NAALADL2: variants seen among roughly 807,000 people sequenced by gnomAD.
NAALADL2 encodes inactive N-acetylated-alpha-linked acidic dipeptidase-like protein 2.
In NAALADL2, 76 loss-of-function variants were observed where a neutral mutation model predicts 87.2. That is an observed-to-expected ratio of 0.87 (90% CI 0.72 to 1.05). The LOEUF (loss-of-function observed/expected upper bound fraction) is 1.05. NAALADL2 is among the 50% of genes least tolerant of loss of function. The pLI is 0.00. For missense variants in NAALADL2, 1,089 were observed against 945.8 expected, an observed-to-expected ratio of 1.15 and a Z score of -1.99; for synonymous variants, 354 against 331.0, an observed-to-expected ratio of 1.07 and a Z score of -0.75.
chr3:175,748,710 A>G (rs1746242320), intron 12 of NAALADL2, among the ~76,000 whole-genome samples: 1 of 152,200 alleles, frequency 6.6e-6, no homozygotes, highest in Non-Finnish European at 1.5e-5. Context: ...TACAGCCACA[A>G]AAAACACAGA....
intron 3 of NAALADL2, among the ~76,000 whole-genome samples, chr3:174,751,753 C>G (rs1220397267): frequency 6.6e-6 from 1 of 151,038 alleles, no homozygotes; most frequent in Non-Finnish European, 1.5e-5. Flanking sequence ...TGATGCATAT[C>G]TAATAACTTT....
intron 1 of NAALADL2, among the ~76,000 whole-genome samples, chr3:175,057,735 G>T (rs1011438975): frequency 6.6e-6 from 1 of 152,186 alleles, no homozygotes; most frequent in African/African-American, 2.4e-5. Context: ...ATACTCATAT[G>T]AGAAAAGGAA....
At chr3:175,014,934 G>C (rs2108833023) in intron 1 of NAALADL2, among the ~76,000 whole-genome samples, 1 of 151,824 alleles carries the variant, frequency 6.6e-6, no homozygotes, top group South Asian at 2.1e-4. Context: ...TTTCACATAT[G>C]GCTTAGGAAT....
At chr3:175,086,241 CAT>C (rs1263225929) in intron 1 of NAALADL2, among the ~76,000 whole-genome samples, 5 of 152,052 alleles carry the variant, frequency 3.3e-5, no homozygotes, top group Non-Finnish European at 5.9e-5. Flanking sequence ...ATTCTCAACA[CAT>C]AGGAAAGAAT....
intron 3 of NAALADL2, among the ~76,000 whole-genome samples, chr3:174,770,269 G>C (rs942391864): frequency 6.6e-6 from 1 of 152,164 alleles, no homozygotes; most frequent in Non-Finnish European, 1.5e-5. Flanking sequence ...TGTCAATTTA[G>C]AATAGGATCT....
intron 3 of NAALADL2, among the ~76,000 whole-genome samples, chr3:174,811,251 C>CTGTAAGA (rs1470560484): frequency 2.0e-5 from 3 of 152,168 alleles, no homozygotes; most frequent in African/African-American, 7.2e-5. Flanking sequence ...CTCTGTCCTC[C>CTGTAAGA]AGACCCCAGA....
At chr3:175,783,222 GT>G (rs1469804291) in intron 13 of NAALADL2, among the ~76,000 whole-genome samples, 1 of 152,138 alleles carries the variant, frequency 6.6e-6, no homozygotes, top group African/African-American at 2.4e-5. Context: ...CTTTAAAGTA[GT>G]TTTTTCCAAT....
At chr3:175,776,435 T>C (rs1012204857) in intron 13 of NAALADL2, 2 of 152,140 alleles carry the variant, frequency 1.3e-5, no homozygotes, top group African/African-American at 4.8e-5. Context: ...ACAGAGTCTT[T>C]TTTTCCCCCC....
At chr3:175,354,928 A>T (rs2080786) in intron 5 of NAALADL2, among the ~76,000 whole-genome samples, 96,368 of 148,980 alleles carry the variant, frequency 0.65, 31,352 homozygotes, top group African/African-American at 0.69. Context: ...ATATGTGTGT[A>T]TATGTGTATA....
intron 3 of NAALADL2, among the ~76,000 whole-genome samples, chr3:174,829,563 C>T (rs1275307146): frequency 7.2e-6 from 1 of 139,170 alleles, no homozygotes; most frequent in East Asian, 2.0e-4. Context: ...GTGAATAATG[C>T]CGCAATAAAC....
At chr3:175,448,985 G>A (rs925490545) in intron 6 of NAALADL2, among the ~76,000 whole-genome samples, 3 of 152,148 alleles carry the variant, frequency 2.0e-5, no homozygotes, top group Non-Finnish European at 4.4e-5. Flanking sequence ...CAAAGTGCTA[G>A]GATTATAAGT....
At chr3:175,414,305 T>G (rs769739433) in intron 5 of NAALADL2, among the ~76,000 whole-genome samples, 1 of 152,178 alleles carries the variant, frequency 6.6e-6, no homozygotes, top group Admixed American at 6.5e-5. Context: ...TTTATGAATA[T>G]TAGATGCTCA....
At chr3:175,714,428 T>A (rs1740959122) in intron 11 of NAALADL2, among the ~76,000 whole-genome samples, 1 of 152,190 alleles carries the variant, frequency 6.6e-6, no homozygotes, top group Non-Finnish European at 1.5e-5. Flanking sequence ...CCATTCCAAC[T>A]GGCAGGAGAT....
chr3:174,805,825 C>A (rs188708004), intron 3 of NAALADL2, among the ~76,000 whole-genome samples: 11 of 152,224 alleles, frequency 7.2e-5, no homozygotes, highest in Admixed American at 7.2e-4. Context: ...AAGAAAAATT[C>A]TGCTTCATTT....
At chr3:174,986,989 C>A (rs1745964057) in intron 1 of NAALADL2, among the ~76,000 whole-genome samples, 1 of 152,020 alleles carries the variant, frequency 6.6e-6, no homozygotes, top group Non-Finnish European at 1.5e-5. Flanking sequence ...TCTTTCAGAC[C>A]AAACACTTGA....
intron 1 of NAALADL2, among the ~76,000 whole-genome samples, chr3:174,878,000 A>C (rs1728716249): frequency 6.6e-6 from 1 of 152,062 alleles, no homozygotes; most frequent in African/African-American, 2.4e-5. Context: ...AGTGTACTTA[A>C]ATATTAGCTT....
chr3:174,926,578 A>G (rs1351270292), intron 1 of NAALADL2, among the ~76,000 whole-genome samples: 1 of 152,214 alleles, frequency 6.6e-6, no homozygotes, highest in African/African-American at 2.4e-5. Flanking sequence ...AGAATTTTCA[A>G]CCCAGAATTT....
chr3:174,610,757 C>T lies in NAALADL2; in HGVS notation c.-115+60120C>T, dbSNP rs555201642. On this transcript the variant is annotated intron_variant, in intron 2 of 3. Transcript: ENST00000434257. ...TTCAACCATTGTGCAATCAGTGTGG[C>T]GATTTCTCAGGGATGTAGAACTAGA... 2.9e-3 allele frequency among the ~76,000 whole-genome samples: 435 copies of T among 152,178 alleles called. 3 individuals carry two copies. Among genetic ancestry groups the T allele is most frequent in the African/African-American group, 0.01 (418 of 41,494 alleles).
chr3:174,850,869 G>T (rs1240456523), intron 3 of NAALADL2, among the ~76,000 whole-genome samples: 3 of 151,904 alleles, frequency 2.0e-5, no homozygotes, highest in Admixed American at 6.6e-5. Context: ...GTCCACTAAA[G>T]ATGTCTTAAT....
Sources: gnomAD v4.1 joint callset for allele counts (sites outside exome capture counted in the v4.1 genomes callset) on GRCh38, gnomAD v4.1.1 for gene constraint, MANE v1.5 for transcripts, NCBI Gene and HGNC (gene_info 2026-07-23, HGNC 2026-07-21) for gene names.